NRXN1: variants seen among roughly 807,000 people sequenced by gnomAD.
NRXN1 encodes the protein neurexin 1.
NRXN1 carries 39 observed loss-of-function variants against 150.9 expected under a neutral mutation model. The observed-to-expected ratio is 0.26, with a 90% CI of 0.20 to 0.34. The LOEUF is 0.34. Among genes scored for constraint, NRXN1 ranks in the 10% least tolerant of loss-of-function variants. The pLI, the probability that NRXN1 is intolerant of heterozygous loss-of-function variation, is 1.00. For synonymous variants in NRXN1, 924 were observed against 757.0 expected, an observed-to-expected ratio of 1.22 and a Z score of -3.62; for missense variants, 1,815 against 1,949.9, an observed-to-expected ratio of 0.93 and a Z score of 1.30.
At chr2:50,150,088 A>G (rs1273235826) in intron 18 of NRXN1, among the ~76,000 whole-genome samples, 1 of 151,844 alleles carries the variant, frequency 6.6e-6, no homozygotes, top group Non-Finnish European at 1.5e-5. Context: ...GGGGAAATAG[A>G]TAATTCTCCT....
At chr2:50,880,154 G>C (rs1395014083) in intron 5 of NRXN1, among the ~76,000 whole-genome samples, 1 of 151,798 alleles carries the variant, frequency 6.6e-6, no homozygotes, top group African/African-American at 2.4e-5. Context: ...CAAAGAAGCT[G>C]GGTTTTTTCC....
intron 21 of NRXN1, among the ~76,000 whole-genome samples, chr2:50,051,207 T>C (rs1692661041): frequency 6.6e-6 from 1 of 152,136 alleles, no homozygotes; most frequent in South Asian, 2.1e-4. Flanking sequence ...CATTTCTACG[T>C]ATTTAGCTTT....
At chr2:50,422,476 A>G (rs1444386054) in intron 17 of NRXN1, among the ~76,000 whole-genome samples, 1 of 152,186 alleles carries the variant, frequency 6.6e-6, no homozygotes, top group African/African-American at 2.4e-5. Context: ...ATGGAAAGAA[A>G]TATCTGGACA....
At chr2:50,676,182 C>T (rs1315481369) in intron 5 of NRXN1, among the ~76,000 whole-genome samples, 1 of 152,082 alleles carries the variant, frequency 6.6e-6, no homozygotes, top group African/African-American at 2.4e-5. Context: ...TGCTCCCTCT[C>T]TCACCATGTG....
At chr2:50,965,760 CAAAAGAAAT>C (rs1484762613) in intron 2 of NRXN1, among the ~76,000 whole-genome samples, 1 of 151,296 alleles carries the variant, frequency 6.6e-6, no homozygotes, top group African/African-American at 2.4e-5. Flanking sequence ...CATTAATAAT[CAAAAGAAAT>C]AAAGAAAACA....
intron 15 of NRXN1, among the ~76,000 whole-genome samples, chr2:50,477,497 C>T (rs1433099937): frequency 3.3e-5 from 5 of 152,080 alleles, no homozygotes; most frequent in South Asian, 4.1e-4. Context: ...ACAAATGACG[C>T]GGTAGAGATT....
chr2:50,739,205 C>T (rs574751335), intron 5 of NRXN1: 4 of 480,494 alleles, frequency 8.3e-6, no homozygotes, highest in African/African-American at 5.9e-5. Flanking sequence ...TCTGACAGTA[C>T]AGTAGAAATC....
At chr2:50,809,411 C>T (rs564244716) in intron 5 of NRXN1, among the ~76,000 whole-genome samples, 3 of 152,160 alleles carry the variant, frequency 2.0e-5, no homozygotes, top group South Asian at 4.1e-4. Context: ...TGGAGAAGAG[C>T]CAGGTAGGTG....
chr2:50,027,445 CCTT>C (rs1393724032), intron 21 of NRXN1, among the ~76,000 whole-genome samples: 1 of 142,698 alleles, frequency 7.0e-6, no homozygotes, highest in Non-Finnish European at 1.5e-5. Context: ...TTCCTTTGCT[CCTT>C]CTCTCCTTTT....
chr2:49,954,394 C>A (rs902865577), intron 21 of NRXN1, among the ~76,000 whole-genome samples: 2 of 152,132 alleles, frequency 1.3e-5, no homozygotes, highest in African/African-American at 4.8e-5. Context: ...TGCACAGACT[C>A]AGGGATACTT....
At chr2:50,374,327 A>AAATAAAT (rs2153022960) in intron 17 of NRXN1, among the ~76,000 whole-genome samples, 1 of 151,002 alleles carries the variant, frequency 6.6e-6, no homozygotes, top group Non-Finnish European at 1.5e-5. Flanking sequence ...ATAAATAAAT[A>AAATAAAT]AATAAATAAA....
chr2:50,979,347 A>G, intron 2 of NRXN1: 1 of 484,578 alleles, frequency 2.1e-6, no homozygotes, highest in South Asian at 1.5e-5. Flanking sequence ...TCAGCACAGT[A>G]TCCTCCTTGT....
intron 2 of NRXN1, among the ~76,000 whole-genome samples, chr2:50,969,561 T>C (rs1025668245): frequency 1.3e-5 from 2 of 152,152 alleles, no homozygotes; most frequent in African/African-American, 4.8e-5. Context: ...AATCAGGAAG[T>C]AGGAACTATT....
chr2:50,586,930 T>G (rs1673217697), intron 8 of NRXN1, among the ~76,000 whole-genome samples: 1 of 152,226 alleles, frequency 6.6e-6, no homozygotes, highest in African/African-American at 2.4e-5. Context: ...CTATAAATAT[T>G]ATTATATTTG....
chr2:50,397,503 T>C (rs1048390995), intron 17 of NRXN1, among the ~76,000 whole-genome samples: 5 of 152,122 alleles, frequency 3.3e-5, no homozygotes, highest in African/African-American at 1.2e-4. Context: ...ATGTTACAGA[T>C]GAACGGTGGG....
At chr2:50,549,229 C>T (rs2093559236) in intron 9 of NRXN1, among the ~76,000 whole-genome samples, 1 of 152,086 alleles carries the variant, frequency 6.6e-6, no homozygotes, top group South Asian at 2.1e-4. Flanking sequence ...GCCATTCATT[C>T]AATTTTTAAA....
intron 5 of NRXN1, among the ~76,000 whole-genome samples, chr2:50,624,039 G>T (rs540818137): frequency 4.9e-4 from 75 of 151,960 alleles, no homozygotes; most frequent in Non-Finnish European, 9.4e-4. Flanking sequence ...GTGGTGTTTG[G>T]TTTTTTGTCC....
intron 19 of NRXN1, among the ~76,000 whole-genome samples, chr2:50,058,272 T>C (rs1437738421): frequency 5.9e-5 from 9 of 152,022 alleles, no homozygotes; most frequent in Admixed American, 5.9e-4. Flanking sequence ...ATAAAACAAT[T>C]TAGAAAATCG....
intron 21 of NRXN1, among the ~76,000 whole-genome samples, chr2:49,979,881 C>T (rs1299556264): frequency 1.3e-5 from 2 of 149,058 alleles, no homozygotes; most frequent in African/African-American, 2.5e-5. Context: ...AGTAAAATTC[C>T]ACATAGTCTT....
Sources: gnomAD v4.1 joint callset for allele counts (sites outside exome capture counted in the v4.1 genomes callset) on GRCh38, gnomAD v4.1.1 for gene constraint, MANE v1.5 for transcripts, NCBI Gene and HGNC (gene_info 2026-07-23, HGNC 2026-07-21) for gene names.